The following MROH9 variants were observed in gnomAD, a reference collection of about 807,000 sequenced individuals.
The protein encoded by MROH9 is maestro heat like repeat family member 9.
MROH9 carries 92 observed loss-of-function variants against 98.2 expected under a neutral mutation model. The ratio of observed to expected loss-of-function variants is 0.94; its 90% CI spans 0.79 to 1.11. The LOEUF (loss-of-function observed/expected upper bound fraction) is 1.11, where lower values mean the gene tolerates loss of function less well. MROH9 is among the 50% of genes most tolerant of loss of function. MROH9 has a pLI of 0.00. For missense variants in MROH9, 1,057 were observed against 1,014.8 expected (o/e 1.04, Z -0.57); for synonymous variants, 397 against 368.9 (o/e 1.08, Z -0.87).
chr1:170,995,316 C>G, intron 12 of MROH9, 73 bp from the exon 13 acceptor site: 1 of 1,538,456 alleles, frequency 6.5e-7, no homozygotes, highest in South Asian at 1.2e-5. Flanking sequence ...CACTCTCTTG[C>G]TCCCCTCAGT....
At chr1:171,033,666 G>A (rs1653003333) in intron 20 of MROH9, among the ~76,000 whole-genome samples, 1 of 152,114 alleles carries the variant, frequency 6.6e-6, no homozygotes, top group African/African-American at 2.4e-5. Flanking sequence ...TTGTTTGTTT[G>A]TTTGTTTTGT....
At chr1:171,008,223 A>G (rs1652027322) in intron 15 of MROH9, among the ~76,000 whole-genome samples, 1 of 152,130 alleles carries the variant, frequency 6.6e-6, no homozygotes, top group Non-Finnish European at 1.5e-5. Flanking sequence ...TATTGACTGT[A>G]TTTTGACAGT....
At chr1:171,053,426 C>A (rs1333650818) in intron 20 of MROH9, among the ~76,000 whole-genome samples, 1 of 152,158 alleles carries the variant, frequency 6.6e-6, no homozygotes, top group East Asian at 1.9e-4. Context: ...CCTTGAACAT[C>A]TAAATCTCTG....
intron 15 of MROH9, among the ~76,000 whole-genome samples, chr1:171,009,244 G>A (rs1215586666): frequency 1.3e-5 from 2 of 151,748 alleles, no homozygotes; most frequent in African/African-American, 2.4e-5. Context: ...AAATCAAGAA[G>A]AAGAAAAAAG....
intron 20 of MROH9, among the ~76,000 whole-genome samples, chr1:171,056,591 T>TC (rs140680799): frequency 0.12 from 18,349 of 152,072 alleles, 1,207 homozygotes; most frequent in Middle Eastern, 0.22. Flanking sequence ...TGAGTGGGTT[T>TC]CCCCCTAGCA....
At chr1:170,954,772 T>C (rs956115648) in intron 3 of MROH9, among the ~76,000 whole-genome samples, 3 of 152,062 alleles carry the variant, frequency 2.0e-5, no homozygotes, top group Non-Finnish European at 4.4e-5. Context: ...AATATTATTA[T>C]ATTAATAATA....
chr1:171,035,639 G>A (rs1653077488), intron 20 of MROH9, among the ~76,000 whole-genome samples: 1 of 151,890 alleles, frequency 6.6e-6, no homozygotes, highest in South Asian at 2.1e-4. Context: ...TTTCAGAAAA[G>A]GACAGACAAA....
intron 15 of MROH9, among the ~76,000 whole-genome samples, chr1:171,004,813 T>A (rs1046659948): frequency 3.3e-5 from 5 of 151,976 alleles, no homozygotes; most frequent in African/African-American, 1.2e-4. Flanking sequence ...CTGAGCACTC[T>A]GTTCTGTTCC....
chr1:171,042,189 G>A (rs1471116248), intron 20 of MROH9, among the ~76,000 whole-genome samples: 1 of 151,914 alleles, frequency 6.6e-6, no homozygotes, highest in Non-Finnish European at 1.5e-5. Context: ...ATGTCTGTGA[G>A]TTCCATTATT....
Position 170,995,635 on chromosome 1 carries a change from C to T in MROH9, c.1337+104C>T, listed in dbSNP as rs551740038. ...ATGGGATTCTTTACAGTCCCATGTG[C>T]GGTGTGTTCATTTATTACAGTTTTC... On this transcript the variant is annotated intron_variant, in intron 13 of 21. Transcript: ENST00000367759. 73 of 1,259,822 alleles carry T rather than the reference C, an allele frequency of 5.8e-5. 1 individual carries two copies. The East Asian group carries it at 8.0e-4, about 14-fold the overall frequency. 78.0% of individuals were successfully genotyped at this position (1,259,822 alleles called of 1,614,324 possible).
rs573621175 is a variant in MROH9, at chr1:170,957,800, T to G, written c.73-661T>G. Among the ~76,000 whole-genome samples the G allele has an allele frequency of 8.4e-5, 12 of 142,274 alleles. No individual in the cohort carries two copies. The East Asian group carries it at 1.6e-3, about 19-fold the overall frequency. The allele number at this position is 142,274 out of a possible 152,430, so 93.3% of individuals were successfully genotyped here. Reference sequence around the variant, plus strand: ...TGCCCTGCTGGCATTTTTTTGTTTTTTTTTTTTTTGTTTGTTTGTTTTTTT... The same window carrying G: ...TGCCCTGCTGGCATTTTTTTGTTTTGTTTTTTTTTGTTTGTTTGTTTTTTT... On this transcript the variant is annotated intron_variant, in intron 3 of 21. Coordinates refer to ENST00000367759, the MANE Select transcript of MROH9 (RefSeq NM_001163629.2).
intron 1 of MROH9, among the ~76,000 whole-genome samples, 195 bp from the exon 2 acceptor site, chr1:170,945,325 T>C (rs973203169): frequency 1.1e-4 from 16 of 152,086 alleles, no homozygotes; most frequent in African/African-American, 3.9e-4. Context: ...AAACTGAGAC[T>C]GAACCTTCTG....
At chr1:171,040,496 T>G (rs1489801977) in intron 20 of MROH9, among the ~76,000 whole-genome samples, 21 of 152,142 alleles carry the variant, frequency 1.4e-4, no homozygotes, top group Admixed American at 1.4e-3. Flanking sequence ...TTTCGCTAGG[T>G]ATATGTATAT....
At chr1:170,947,694 AGGGG>A in intron 3 of MROH9, 121 bp downstream of exon 3, 1 of 911,394 alleles carries the variant, frequency 1.1e-6, no homozygotes, top group Non-Finnish European at 1.6e-6. Context: ...TGGGGGAGAA[AGGGG>A]AAAAAAAGGC....
At chr1:171,027,697 C>T (rs532465695) in intron 20 of MROH9, among the ~76,000 whole-genome samples, 7 of 152,272 alleles carry the variant, frequency 4.6e-5, no homozygotes, top group Middle Eastern at 3.4e-3. Flanking sequence ...CCTATTTCTC[C>T]ACAGCCTTGC....
chr1:171,047,467 A>G (rs1653505181), intron 20 of MROH9, among the ~76,000 whole-genome samples: 2 of 152,198 alleles, frequency 1.3e-5, no homozygotes, highest in South Asian at 4.1e-4. Context: ...CAGTATGCTT[A>G]TTGCATTTTT....
chr1:171,029,588 G>T (rs1047897647), intron 20 of MROH9, among the ~76,000 whole-genome samples: 2 of 152,154 alleles, frequency 1.3e-5, no homozygotes, highest in Non-Finnish European at 2.9e-5. Flanking sequence ...TAATGTGATG[G>T]ATTATGTTTA....
intron 20 of MROH9, among the ~76,000 whole-genome samples, chr1:171,047,358 T>A (rs921108444): frequency 3.3e-5 from 5 of 152,174 alleles, no homozygotes; most frequent in Admixed American, 6.5e-5. Context: ...CATTTTTTTT[T>A]ATTCTTTTTG....
chr1:171,047,737 GGC>G (rs1168540218), intron 20 of MROH9, among the ~76,000 whole-genome samples: 4 of 152,026 alleles, frequency 2.6e-5, no homozygotes, highest in Non-Finnish European at 5.9e-5. Flanking sequence ...TCACTGTCTG[GGC>G]ATTGAAGACT....
Sources: gnomAD v4.1 joint callset for allele counts (sites outside exome capture counted in the v4.1 genomes callset) on GRCh38, gnomAD v4.1.1 for gene constraint, MANE v1.5 for transcripts, NCBI Gene and HGNC (gene_info 2026-07-23, HGNC 2026-07-21) for gene names.